Variants in MED13 observed in about 807,000 individuals in gnomAD.
MED13 encodes the protein mediator of RNA polymerase II transcription subunit 13.
A neutral mutation model predicts 225.2 loss-of-function variants in MED13; 23 were observed. That is an observed-to-expected ratio of 0.10 (90% confidence interval 0.07 to 0.14). MED13 has a LOEUF of 0.14. Among genes scored for constraint, MED13 ranks in the 10% least tolerant of loss-of-function variants. The pLI is 1.00. For synonymous variants in MED13, 942 were observed against 889.2 expected (o/e 1.06, Z -1.06); for missense variants, 2,197 against 2,594.5 (o/e 0.85, Z 3.33).
In MED13 at chr17:62,010,693, T is replaced by A; in HGVS notation, c.1824A>T (p.Glu608Asp). 2 of 1,559,524 alleles carry A rather than the reference T, an allele frequency of 1.3e-6. No homozygotes were observed. The highest frequency in any genetic ancestry group is 1.7e-6 in the Non-Finnish European group (2 of 1,152,084). ...VYVGTAVNLEEDEANIAWKYY... is the reference protein window; with the variant it reads ...VYVGTAVNLEDDEANIAWKYY... ...ACTTCCAGGCTATATTGGCTTCATC[T>A]TCTTCCAAGTTTACTGCTGTACCAA... The change falls in exon 9 of 30, where the codon GAA becomes GAT. Residue 608 changes from glutamate to aspartate, a missense_variant. By Grantham distance (45) the Glu-to-Asp change is conservative (BLOSUM62 2). Transcript: ENST00000397786.
At chr17:62,007,284 A>G (rs2080459220) in intron 9 of MED13, 1 of 152,176 alleles carries the variant, frequency 6.6e-6, no homozygotes, top group Admixed American at 6.6e-5. Flanking sequence ...GACAAGAAGA[A>G]TCCGAGTAAA....
In MED13 at chr17:61,955,556, T is replaced by A. The variant is rs903279125; in HGVS notation, c.5794A>T (p.Thr1932Ser). 6.4e-7 allele frequency: 1 copy of A among 1,560,612 alleles called. No homozygotes were observed. Among genetic ancestry groups the A allele is most frequent in the African/African-American group, 1.4e-5 (1 of 72,244 alleles). Residue 1932 changes from threonine to serine, a missense_variant, in exon 26 of 30, where the codon ACT (threonine) becomes TCT (serine). By Grantham distance (58) the Thr-to-Ser change is moderately conservative. Around this residue, in one of 12 missense-constraint regions of MED13, gnomAD observed 216 missense variants for 388.9 expected, o/e 0.56. Transcript: ENST00000397786. Reference sequence around the variant, plus strand: ...GTGCTTCTTCCAAATACAGAACCAGTTGACACAGAATCTGAAAATGAAAGA... The same window carrying A: ...GTGCTTCTTCCAAATACAGAACCAGATGACACAGAATCTGAAAATGAAAGA... ...SFVIMPDSVSTGSVFGRSTTL... is the reference protein window; with the variant it reads ...SFVIMPDSVSSGSVFGRSTTL...
At chr17:61,994,541 T>TTCATAATGTTGTGATTTTCATAACA (rs2080331289) in intron 10 of MED13, among the ~76,000 whole-genome samples, 1 of 152,202 alleles carries the variant, frequency 6.6e-6, no homozygotes, top group South Asian at 2.1e-4. Context: ...ACAACATATT[T>TTCATAATGTTGTGATTTTCATAACA]TAAAATCACT....
intron 16 of MED13, among the ~76,000 whole-genome samples, chr17:61,978,965 G>T (rs1046041103): frequency 6.6e-6 from 1 of 152,028 alleles, no homozygotes; most frequent in Non-Finnish European, 1.5e-5. Context: ...CCAAGAACTA[G>T]AACATTACCA....
At chr17:62,057,411 A>G (rs531839659) in intron 2 of MED13, among the ~76,000 whole-genome samples, 1 of 152,360 alleles carries the variant, frequency 6.6e-6, no homozygotes, top group East Asian at 1.9e-4. Flanking sequence ...CTTGATCAAA[A>G]AAACAGTATG....
intron 8 of MED13, among the ~76,000 whole-genome samples, chr17:62,014,006 T>C (rs1181003777): frequency 6.6e-6 from 1 of 151,804 alleles, no homozygotes; most frequent in Non-Finnish European, 1.5e-5. Context: ...ACCACTGCAC[T>C]CCAGCCTGGG....
rs2080794757 is a variant in MED13 at position 62,035,504 on chromosome 17, T to C, written c.575A>G (p.Glu192Gly). 2.5e-6 allele frequency: 4 copies of C among 1,613,430 alleles called. No individual in the cohort carries two copies. Among genetic ancestry groups the C allele is most frequent in the Non-Finnish European group, 3.4e-6 (4 of 1,179,502 alleles). ...AGACTGTTGAGCAAGGGTGATATGCTCTTCACTGAGAAGGTATACAGGTTG... is the reference window on the plus strand; with the variant it reads ...AGACTGTTGAGCAAGGGTGATATGCCCTTCACTGAGAAGGTATACAGGTTG... ...QHQPVYLLSEEHITLAQQSNS... is the reference protein window; with the variant it reads ...QHQPVYLLSEGHITLAQQSNS... The change falls in exon 4 of 30, where the codon GAG (glutamate) becomes GGG (glycine). Residue 192 changes from glutamate to glycine, a missense_variant. By Grantham distance (98) the Glu-to-Gly change is moderately conservative (BLOSUM62 -2). Around this residue, in one of 12 missense-constraint regions of MED13, gnomAD observed 884 missense variants for 918.5 expected, o/e 0.96. Coordinates refer to ENST00000397786, the MANE Select transcript of MED13 (RefSeq NM_005121.3).
intron 8 of MED13, among the ~76,000 whole-genome samples, chr17:62,028,824 G>A (rs1357229524): frequency 1.3e-5 from 2 of 151,908 alleles, no homozygotes; most frequent in Non-Finnish European, 2.9e-5. Context: ...CAGACCAGGG[G>A]ACAGAGCAAG....
At chr17:62,050,042 A>AT (rs2080942205) in intron 3 of MED13, among the ~76,000 whole-genome samples, 1 of 151,936 alleles carries the variant, frequency 6.6e-6, no homozygotes, top group East Asian at 1.9e-4. Flanking sequence ...ACCAAAACTT[A>AT]TAACTATATT....
intron 8 of MED13, 56 bp from the exon 9 acceptor site, chr17:62,011,289 T>C: frequency 7.1e-7 from 1 of 1,417,984 alleles, no homozygotes; most frequent in Non-Finnish European, 9.6e-7. Context: ...TGGCGAAGTA[T>C]AATACCAGTT....
chr17:62,008,853 G>C (rs2080479713), intron 9 of MED13, among the ~76,000 whole-genome samples: 1 of 151,898 alleles, frequency 6.6e-6, no homozygotes, highest in Admixed American at 6.6e-5. Context: ...CATTATAACA[G>C]AAATAAGAAA....
intron 2 of MED13, among the ~76,000 whole-genome samples, chr17:62,059,734 C>T (rs1296469648): frequency 6.6e-6 from 1 of 152,092 alleles, no homozygotes; most frequent in African/African-American, 2.4e-5. Flanking sequence ...TAGACGCTGT[C>T]CCTAGAGCAA....
At chr17:62,030,576 G>C (rs1297579743) in intron 6 of MED13, 1 of 152,262 alleles carries the variant, frequency 6.6e-6, no homozygotes, top group Non-Finnish European at 1.5e-5. Flanking sequence ...GTCAATCATT[G>C]CTGGATTTTA....
At chr17:61,966,430 C>T (rs558814105) in intron 19 of MED13, 32 bp downstream of exon 19, 2 of 1,549,900 alleles carry the variant, frequency 1.3e-6, no homozygotes, top group South Asian at 2.5e-5. Flanking sequence ...TTTGCTAACA[C>T]CAGCCTTATA....
At chr17:62,014,310 T>TATATATA (rs1555638734) in intron 8 of MED13, among the ~76,000 whole-genome samples, 46 of 143,114 alleles carry the variant, frequency 3.2e-4, no homozygotes, top group Middle Eastern at 3.7e-3. Context: ...GTATATGTTT[T>TATATATA]TATATATATA....
intron 2 of MED13, among the ~76,000 whole-genome samples, chr17:62,061,179 C>T (rs1207158258): frequency 6.6e-6 from 1 of 152,096 alleles, no homozygotes; most frequent in African/African-American, 2.4e-5. Context: ...AAGCAGCTCA[C>T]ATCTAACTTT....
At chr17:62,046,659 A>G (rs2080900160) in intron 3 of MED13, among the ~76,000 whole-genome samples, 1 of 152,058 alleles carries the variant, frequency 6.6e-6, no homozygotes, top group African/African-American at 2.4e-5. Context: ...CAACATGGTG[A>G]TATCTTGTCT....
intron 9 of MED13, among the ~76,000 whole-genome samples, chr17:62,008,037 G>A (rs1297286767): frequency 2.3e-4 from 20 of 88,186 alleles, no homozygotes; most frequent in East Asian, 9.4e-4. Flanking sequence ...AAAAAAAAAA[G>A]CTGTGCGCAG....
intron 6 of MED13, 28 bp downstream of exon 6, chr17:62,031,416 G>C (rs776279977): frequency 1.3e-6 from 2 of 1,509,730 alleles, no homozygotes; most frequent in South Asian, 1.3e-5. Flanking sequence ...CAAATTACCA[G>C]AGCTGATGAG....
Sources: gnomAD v4.1 joint callset for allele counts (sites outside exome capture counted in the v4.1 genomes callset) on GRCh38, gnomAD v4.1.1 for gene constraint, gnomAD v4.1.1 regional missense constraint, MANE v1.5 for transcripts, NCBI Gene and HGNC (gene_info 2026-07-23, HGNC 2026-07-21) for gene names.